GALNT13: variants seen among roughly 807,000 people sequenced by gnomAD.
GALNT13 encodes the protein UDP-GalNAc:polypeptide N-acetylgalactosaminyltransferase 13.
Under a neutral mutation model 64.2 loss-of-function variants are expected in GALNT13, and 28 were observed. The observed-to-expected ratio is 0.44, with a 90% CI of 0.32 to 0.60. The LOEUF (loss-of-function observed/expected upper bound fraction) is 0.60, where lower values mean the gene tolerates loss of function less well. Among genes scored for constraint, GALNT13 ranks in the 20% least tolerant of loss-of-function variants. The pLI is 0.05. For synonymous variants in GALNT13, 214 were observed against 224.6 expected, an observed-to-expected ratio of 0.95 and a Z score of 0.42; for missense variants, 577 against 669.8, an observed-to-expected ratio of 0.86 and a Z score of 1.53.
the GALNT13 span, among the ~76,000 whole-genome samples, chr2:153,519,394 A>G: frequency 6.6e-6 from 1 of 152,212 alleles, no homozygotes; most frequent in Non-Finnish European, 1.5e-5. Flanking sequence ...GGAAGAGTCT[A>G]AATAGGAAAT....
At chr2:154,047,195 T>A (rs571237805) in intron 3 of GALNT13, among the ~76,000 whole-genome samples, 1 of 152,310 alleles carries the variant, frequency 6.6e-6, no homozygotes, top group South Asian at 2.1e-4. Flanking sequence ...TTCATTTTGC[T>A]AGAAATTTTG....
the GALNT13 span, among the ~76,000 whole-genome samples, chr2:153,859,960 C>T: frequency 7.2e-4 from 110 of 152,234 alleles, no homozygotes; most frequent in African/African-American, 2.6e-3. Context: ...AAATTGGTTC[C>T]TCTTTTCATT....
At chr2:154,092,499 A>G (rs1424017999) in intron 3 of GALNT13, among the ~76,000 whole-genome samples, 2 of 152,064 alleles carry the variant, frequency 1.3e-5, no homozygotes, top group Admixed American at 6.6e-5. Context: ...CATGTAGGCT[A>G]TAGCTCCTTT....
At chr2:153,895,994 T>C (rs1687860423) in intron 1 of GALNT13, among the ~76,000 whole-genome samples, 1 of 148,122 alleles carries the variant, frequency 6.8e-6, no homozygotes, top group Non-Finnish European at 1.5e-5. Context: ...AATATAATCA[T>C]AAAATAGTTT....
chr2:153,485,380 C>A, the GALNT13 span, among the ~76,000 whole-genome samples: 1 of 152,124 alleles, frequency 6.6e-6, no homozygotes, highest in African/African-American at 2.4e-5. Context: ...AGTTCACTCT[C>A]ATCCAGAATT....
chr2:153,278,543 G>A, the GALNT13 span, among the ~76,000 whole-genome samples: 7 of 151,962 alleles, frequency 4.6e-5, no homozygotes, highest in Admixed American at 3.9e-4. Context: ...ATAGTGAAAG[G>A]CAGTCATCCA....
chr2:153,606,653 C>A, the GALNT13 span, among the ~76,000 whole-genome samples: 1 of 152,070 alleles, frequency 6.6e-6, no homozygotes, highest in Non-Finnish European at 1.5e-5. Context: ...CTTGAACTCT[C>A]AGGCCAAATT....
chr2:154,188,891 G>A (rs1423062385), intron 4 of GALNT13, among the ~76,000 whole-genome samples: 2 of 152,026 alleles, frequency 1.3e-5, no homozygotes, highest in African/African-American at 2.4e-5. Flanking sequence ...ATAGGTTGGT[G>A]CAAAAGTGAT....
At chr2:153,484,377 G>C in the GALNT13 span, among the ~76,000 whole-genome samples, 1 of 152,038 alleles carries the variant, frequency 6.6e-6, no homozygotes, top group East Asian at 1.9e-4. Flanking sequence ...TAACTGAGCA[G>C]TTATATTGAT....
chr2:153,969,234 C>T (rs928390367), intron 3 of GALNT13, among the ~76,000 whole-genome samples: 4 of 151,974 alleles, frequency 2.6e-5, no homozygotes, highest in Non-Finnish European at 4.4e-5. Context: ...TTAGGCATCA[C>T]AAAGGCCTCT....
At chr2:153,636,936 T>A in the GALNT13 span, among the ~76,000 whole-genome samples, 1 of 152,056 alleles carries the variant, frequency 6.6e-6, no homozygotes, top group South Asian at 2.1e-4. Flanking sequence ...TGTGAAGAGG[T>A]GCTCTGTATC....
intron 3 of GALNT13, among the ~76,000 whole-genome samples, chr2:154,094,166 G>A (rs2348782): frequency 0.36 from 54,842 of 151,618 alleles, 10,290 homozygotes; most frequent in Non-Finnish European, 0.41. Context: ...AGTGTAGTTG[G>A]GCAGCTCATT....
At chr2:154,303,880 CT>C (rs1230979114) in intron 9 of GALNT13, among the ~76,000 whole-genome samples, 2 of 151,952 alleles carry the variant, frequency 1.3e-5, no homozygotes, top group Admixed American at 1.3e-4. Context: ...GCCTCAGCCT[CT>C]CCAGTAGCTG....
At chr2:153,995,822 C>T (rs1032540016) in intron 3 of GALNT13, among the ~76,000 whole-genome samples, 1 of 152,144 alleles carries the variant, frequency 6.6e-6, no homozygotes, top group African/African-American at 2.4e-5. Context: ...CTACCACTCC[C>T]ACCTTCTCCC....
chr2:153,186,723 C>T, the GALNT13 span, among the ~76,000 whole-genome samples: 1 of 152,096 alleles, frequency 6.6e-6, no homozygotes, highest in Non-Finnish European at 1.5e-5. Context: ...TCTGCAACCA[C>T]ACCCAGCTAA....
chr2:153,329,993 A>G, the GALNT13 span, among the ~76,000 whole-genome samples: 1 of 152,228 alleles, frequency 6.6e-6, no homozygotes, highest in Non-Finnish European at 1.5e-5. Flanking sequence ...TCTTCTGCAT[A>G]TGGCTAGCTA....
chr2:154,291,899 G>C (rs1208145584), intron 8 of GALNT13, among the ~76,000 whole-genome samples: 1 of 152,230 alleles, frequency 6.6e-6, no homozygotes, highest in Non-Finnish European at 1.5e-5. Flanking sequence ...TTTTATGTTT[G>C]AGATAAATCT....
chr2:153,222,307 T>TGGGGGGGGGGGGGG, the GALNT13 span, among the ~76,000 whole-genome samples: 1 of 6,316 alleles, frequency 1.6e-4, no homozygotes, highest in Non-Finnish European at 5.8e-4. Context: ...TGAGTCTGGC[T>TGGGGGGGGGGGGGG]GGGGGGGGGG....
intron 9 of GALNT13, among the ~76,000 whole-genome samples, chr2:154,313,871 AT>A (rs113461400): frequency 7.9e-4 from 119 of 151,260 alleles, no homozygotes; most frequent in African/African-American, 1.6e-3. Flanking sequence ...TAGTCTAATC[AT>A]TTTTTTTTGT....
Sources: gnomAD v4.1 joint callset for allele counts (sites outside exome capture counted in the v4.1 genomes callset) on GRCh38, gnomAD v4.1.1 for gene constraint, MANE v1.5 for transcripts, NCBI Gene and HGNC (gene_info 2026-07-23, HGNC 2026-07-21) for gene names.